MYCT1: variants seen among roughly 807,000 people sequenced by gnomAD.
MYCT1 encodes the protein MYC target 1.
Under a neutral mutation model 15.0 loss-of-function variants are expected in MYCT1, and 12 were observed. That is an observed-to-expected ratio of 0.80 (90% confidence interval 0.51 to 1.29). The LOEUF is 1.29. MYCT1 is among the 50% of genes most tolerant of loss of function. MYCT1 has a pLI of 0.00. For synonymous variants in MYCT1, 104 were observed against 102.7 expected, an observed-to-expected ratio of 1.01 and a Z score of -0.07; for missense variants, 287 against 279.1, an observed-to-expected ratio of 1.03 and a Z score of -0.20.
chr6:152,705,888 A>G, intron 1 of MYCT1: 1 of 743,870 alleles, frequency 1.3e-6, no homozygotes, highest in Non-Finnish European at 2.5e-6. Flanking sequence ...TGAGAAAATT[A>G]TGCAAAGTTC....
intron 1 of MYCT1, among the ~76,000 whole-genome samples, chr6:152,703,120 C>G (rs2099721633): frequency 1.3e-5 from 2 of 152,150 alleles, no homozygotes; most frequent in South Asian, 2.1e-4. Flanking sequence ...TTTTCTATTA[C>G]TGGGAAAGGT....
chr6:152,729,551 T>A (rs999834275), downstream of MYCT1, among the ~76,000 whole-genome samples: 4 of 152,152 alleles, frequency 2.6e-5, no homozygotes, highest in Admixed American at 2.6e-4. Flanking sequence ...ATCATCGAAG[T>A]ATAATGCAAA....
the MYCT1 span, among the ~76,000 whole-genome samples, chr6:152,737,816 G>A: frequency 6.6e-6 from 1 of 152,258 alleles, no homozygotes; most frequent in South Asian, 2.1e-4. Flanking sequence ...TATAATAGCT[G>A]TATCTCTTCA....
intron 1 of MYCT1, among the ~76,000 whole-genome samples, chr6:152,699,790 C>T (rs192866857): frequency 6.6e-6 from 1 of 151,834 alleles, no homozygotes; most frequent in East Asian, 1.9e-4. Flanking sequence ...TTAAAATAAA[C>T]TTGATATTAA....
At chr6:152,715,040 G>A (rs1397262968) in intron 1 of MYCT1, among the ~76,000 whole-genome samples, 1 of 151,942 alleles carries the variant, frequency 6.6e-6, no homozygotes, top group Non-Finnish European at 1.5e-5. Context: ...AACTTCCTTG[G>A]CAGCCCCTGA....
At chr6:152,717,081 T>G (rs2099723817) in intron 1 of MYCT1, among the ~76,000 whole-genome samples, 1 of 152,178 alleles carries the variant, frequency 6.6e-6, no homozygotes, top group Non-Finnish European at 1.5e-5. Context: ...ATATGAAAAT[T>G]TAAAGCTGTA....
downstream of MYCT1, among the ~76,000 whole-genome samples, chr6:152,728,293 C>T (rs1376551846): frequency 6.6e-6 from 1 of 152,010 alleles, no homozygotes; most frequent in Non-Finnish European, 1.5e-5. Context: ...GCAATGGGTG[C>T]CATTAAGTAA....
the MYCT1 span, among the ~76,000 whole-genome samples, chr6:152,735,060 T>A: frequency 5.3e-5 from 8 of 152,190 alleles, no homozygotes; most frequent in African/African-American, 1.7e-4. Flanking sequence ...AAAAAGGAAA[T>A]TTATCTCCAA....
chr6:152,721,603 C>T, intron 1 of MYCT1, 139 bp from the exon 2 acceptor site: 1 of 762,014 alleles, frequency 1.3e-6, no homozygotes, highest in South Asian at 1.9e-5. Context: ...ATCCACCTAA[C>T]ACTGTCTTCT....
At chr6:152,744,840 G>A in the MYCT1 span, among the ~76,000 whole-genome samples, 2 of 152,196 alleles carry the variant, frequency 1.3e-5, no homozygotes, top group Non-Finnish European at 2.9e-5. Context: ...AGAGGCGGGA[G>A]CTGGGGGGAG....
At chr6:152,714,730 CT>C (rs1157742702) in intron 1 of MYCT1, among the ~76,000 whole-genome samples, 20 of 150,932 alleles carry the variant, frequency 1.3e-4, no homozygotes, top group African/African-American at 4.4e-4. Context: ...TCTATTTGTT[CT>C]TTTAGTTTTT....
At chr6:152,699,171 C>T (rs2099720919) in intron 1 of MYCT1, among the ~76,000 whole-genome samples, 1 of 152,064 alleles carries the variant, frequency 6.6e-6, no homozygotes, top group Admixed American at 6.6e-5. Flanking sequence ...GCCGACTTTT[C>T]CCAGCAATCT....
intron 1 of MYCT1, among the ~76,000 whole-genome samples, chr6:152,704,429 G>T (rs1157672741): frequency 6.6e-6 from 1 of 152,082 alleles, no homozygotes; most frequent in East Asian, 1.9e-4. Context: ...TTGAAGTTAC[G>T]TAAATCTTCC....
chr6:152,743,757 T>G, the MYCT1 span, among the ~76,000 whole-genome samples: 1 of 152,222 alleles, frequency 6.6e-6, no homozygotes, highest in African/African-American at 2.4e-5. Context: ...TTGCTAAAAT[T>G]TCTCAAAACA....
the MYCT1 span, among the ~76,000 whole-genome samples, chr6:152,743,226 C>T: frequency 6.6e-5 from 10 of 152,104 alleles, no homozygotes; most frequent in Non-Finnish European, 1.2e-4. Context: ...CCACCACGCC[C>T]GGCTGATTTT....
chr6:152,744,276 C>G, the MYCT1 span, among the ~76,000 whole-genome samples: 1 of 152,156 alleles, frequency 6.6e-6, no homozygotes, highest in Non-Finnish European at 1.5e-5. Context: ...GCTAGAGTGC[C>G]CTTCCTCCAA....
In MYCT1 at chr6:152,721,877, G is replaced by T; in HGVS notation, c.332G>T (p.Arg111Ile). Reference protein sequence around the residue: ...APISQWSSSRRSRSSYTHGLN... With the variant: ...APISQWSSSRISRSSYTHGLN... ...ATCTCACAGTGGAGTTCAAGCAGGA[G>T]ATCTAGGTCTTCTTACACCCACGGC... The change falls in exon 2 of 2, where the codon AGA becomes ATA. Residue 111 changes from arginine (R) to isoleucine (I), a missense_variant. Coordinates refer to ENST00000367245, the MANE Select transcript of MYCT1 (RefSeq NM_025107.3). 1.2e-6 allele frequency: 2 copies of T among 1,614,056 alleles called. No individual in the cohort carries two copies. Among genetic ancestry groups the T allele is most frequent in the Non-Finnish European group, 1.7e-6 (2 of 1,180,006 alleles).
At chr6:152,735,527 C>A in the MYCT1 span, among the ~76,000 whole-genome samples, 1 of 152,020 alleles carries the variant, frequency 6.6e-6, no homozygotes, top group Non-Finnish European at 1.5e-5. Context: ...TAGCTATATC[C>A]ATGGACATTG....
the MYCT1 span, among the ~76,000 whole-genome samples, chr6:152,730,902 A>G: frequency 6.6e-6 from 1 of 152,246 alleles, no homozygotes; most frequent in Non-Finnish European, 1.5e-5. Context: ...TATATTAGCA[A>G]CTGCTGGCAA....
Sources: allele counts gnomAD v4.1 joint callset (sites outside exome capture counted in the v4.1 genomes callset), GRCh38; gene constraint gnomAD v4.1.1; transcripts MANE v1.5; gene names NCBI Gene and HGNC (gene_info 2026-07-23, HGNC 2026-07-21).